The following HMCES variants were observed in gnomAD, a reference collection of about 807,000 sequenced individuals.
HMCES encodes the protein 5-hydroxymethylcytosine binding, ES cell specific, also known as abasic site processing protein HMCES.
HMCES carries 27 observed loss-of-function variants against 35.1 expected under a neutral mutation model. That is an observed-to-expected ratio of 0.77 (90% CI 0.57 to 1.06). The LOEUF is 1.06. HMCES is among the 50% of genes least tolerant of loss of function. The pLI is 0.00. For missense variants in HMCES, 391 were observed against 430.4 expected (o/e 0.91, Z 0.81); for synonymous variants, 130 against 154.7 (o/e 0.84, Z 1.18).
chr3:129,291,912 G>A lies in HMCES; in HGVS notation c.453+1108G>A, dbSNP rs2071023428. On this transcript the variant is annotated intron_variant, in intron 4 of 6. Transcript: ENST00000383463. The stretch of plus-strand genomic sequence containing the variant: ...TCAAGACCAATCTGGGCAACATGGC[G>A]AAAACCCATCTCTACCAAAAATACA... Among the ~76,000 whole-genome samples the A allele has an allele frequency of 2.0e-5, 3 of 152,056 alleles. No individual in the cohort carries two copies. The South Asian group carries it at 6.2e-4, about 32-fold the overall frequency.
rs1940382450 is a variant in HMCES at position 129,279,242 on chromosome 3, G to A, written c.-24+337G>A. The A allele has an allele frequency of 6.4e-6, 1 of 155,766 alleles. No individual in the cohort carries two copies. The highest frequency in any genetic ancestry group is 2.4e-5 in the African/African-American group (1 of 41,478). The allele number at this position is 155,766 out of a possible 1,614,324, so 9.6% of individuals were successfully genotyped here. The stretch of plus-strand genomic sequence containing the variant: ...GCCCGGGGACGCTGCGGACTAGCGG[G>A]CGGGAGGCGGGGATTCTGCACCCCG... On this transcript the variant is annotated intron_variant, in intron 1 of 6. Transcript: ENST00000383463. This position sits in a 1 kb window ranked among gnomAD's most constrained non-coding sequence, Gnocchi z 4.2.
At chr3:129,300,469 T>A (rs2071149372) in intron 5 of HMCES, among the ~76,000 whole-genome samples, 1 of 152,220 alleles carries the variant, frequency 6.6e-6, no homozygotes. Flanking sequence ...TATACTTGTA[T>A]TCTACCTTTA....
Position 129,304,862 on chromosome 3 carries a change from C to T in HMCES, c.*37C>T, listed in dbSNP as rs1189884043. ...CAGAGACCAAGGCCAGGGTCTGCTG[C>T]ACTGCTGTTCTGATAATAGGTTCTT... is the stretch of plus-strand genomic sequence containing the variant. On this transcript the variant is annotated 3_prime_UTR_variant, in exon 7 of 7. Transcript: ENST00000383463. 1 of 1,470,172 alleles carries T rather than the reference C, an allele frequency of 6.8e-7. No individual in the cohort carries two copies. Among genetic ancestry groups the T allele is most frequent in the Non-Finnish European group, 9.5e-7 (1 of 1,050,548 alleles). The allele number at this position is 1,470,172 out of a possible 1,614,324, so 91.1% of individuals were successfully genotyped here.
intron 5 of HMCES, among the ~76,000 whole-genome samples, chr3:129,298,995 T>A (rs374666200): frequency 5.3e-5 from 8 of 152,066 alleles, no homozygotes; most frequent in African/African-American, 1.7e-4. Context: ...ATACAACAAC[T>A]AAATTAGCCG....
chr3:129,296,088 T>G (rs1246319148), intron 4 of HMCES, among the ~76,000 whole-genome samples: 1 of 152,120 alleles, frequency 6.6e-6, no homozygotes, highest in African/African-American at 2.4e-5. Context: ...TGAGATGAAG[T>G]CTCGCTCTGT....
intron 6 of HMCES, among the ~76,000 whole-genome samples, chr3:129,303,381 T>G (rs1244336248): frequency 6.6e-6 from 1 of 152,208 alleles, no homozygotes; most frequent in Non-Finnish European, 1.5e-5. Flanking sequence ...ACCCACAGTG[T>G]CATCTTTTTT....
intron 2 of HMCES, among the ~76,000 whole-genome samples, chr3:129,287,096 C>G (rs1257998269): frequency 6.6e-6 from 1 of 152,186 alleles, no homozygotes; most frequent in Non-Finnish European, 1.5e-5. Context: ...AAGTCATGCA[C>G]AGGTTTCCTT....
At chr3:129,301,266 T>C (rs2071166051) in intron 5 of HMCES, among the ~76,000 whole-genome samples, 1 of 152,048 alleles carries the variant, frequency 6.6e-6, no homozygotes, top group Admixed American at 6.6e-5. Flanking sequence ...AATTAACCTT[T>C]AAAAATTATA....
At chr3:129,293,696 T>C (rs1196555668) in intron 4 of HMCES, among the ~76,000 whole-genome samples, 1 of 149,022 alleles carries the variant, frequency 6.7e-6, no homozygotes, top group African/African-American at 2.5e-5. Context: ...GCCGCCTGAA[T>C]AGCCGGGATT....
intron 4 of HMCES, among the ~76,000 whole-genome samples, chr3:129,292,476 A>G (rs1042023659): frequency 2.1e-5 from 3 of 143,600 alleles, no homozygotes; most frequent in Non-Finnish European, 3.0e-5. Flanking sequence ...TGGGTAACAG[A>G]GAAAAGTTTT....
At chr3:129,294,974 G>A (rs896416556) in intron 4 of HMCES, among the ~76,000 whole-genome samples, 7 of 151,930 alleles carry the variant, frequency 4.6e-5, no homozygotes, top group Admixed American at 3.9e-4. Flanking sequence ...TGGCTAACAC[G>A]GTGAAACCCC....
At chr3:129,299,809 G>A (rs1463299422) in intron 5 of HMCES, among the ~76,000 whole-genome samples, 2 of 151,736 alleles carry the variant, frequency 1.3e-5, no homozygotes, top group African/African-American at 2.4e-5. Flanking sequence ...ACGCCGCCAC[G>A]CCTGGCTAAC....
chr3:129,290,175 A>C (rs940199179), intron 3 of HMCES, among the ~76,000 whole-genome samples: 4 of 145,062 alleles, frequency 2.8e-5, no homozygotes, highest in Non-Finnish European at 4.5e-5. Context: ...TGGGCGACAG[A>C]GCAAGACTCC....
In HMCES at chr3:129,304,905, T is replaced by G. The variant is rs997919171; in HGVS notation, c.*80T>G. On this transcript the variant is annotated 3_prime_UTR_variant, in exon 7 of 7. Coordinates refer to ENST00000383463, the MANE Select transcript of HMCES (RefSeq NM_020187.3). ...AGGTTCTTAACATTGTATGTATATG[T>G]GTTTGCTTTGGGAGGAGGTGGCACT... 7.6e-6 allele frequency: 9 copies of G among 1,176,722 alleles called. No homozygotes were observed. The highest frequency in any genetic ancestry group is 9.9e-6 in the Non-Finnish European group (8 of 804,450). 72.9% of individuals were successfully genotyped at this position (1,176,722 alleles called of 1,614,324 possible).
intron 4 of HMCES, among the ~76,000 whole-genome samples, chr3:129,292,641 T>C (rs1188558497): frequency 1.3e-5 from 2 of 151,658 alleles, no homozygotes. Context: ...TACAGGCGTG[T>C]GCCACCAGGC....
chr3:129,287,753 A>G (rs7646495), intron 2 of HMCES, among the ~76,000 whole-genome samples: 37,550 of 152,008 alleles, frequency 0.25, 7,742 homozygotes, highest in African/African-American at 0.56. Context: ...CAGGAAAATC[A>G]CTTGAGCCTA....
chr3:129,296,466 C>T (rs1350834032), intron 4 of HMCES, among the ~76,000 whole-genome samples: 2 of 152,136 alleles, frequency 1.3e-5, no homozygotes. Context: ...CCACAAGAGT[C>T]TTTGACATTA....
intron 2 of HMCES, among the ~76,000 whole-genome samples, chr3:129,281,653 T>C (rs545144304): frequency 6.6e-6 from 1 of 151,916 alleles, no homozygotes; most frequent in South Asian, 2.1e-4. Context: ...ATTGTGCCAC[T>C]GTACTCTGGC....
intron 2 of HMCES, among the ~76,000 whole-genome samples, chr3:129,286,788 G>GT (rs1249506309): frequency 1.3e-5 from 2 of 151,670 alleles, no homozygotes; most frequent in African/African-American, 2.4e-5. Flanking sequence ...CTGAACCATT[G>GT]TAGTAACACC....
Sources: allele counts gnomAD v4.1 joint callset (sites outside exome capture counted in the v4.1 genomes callset), GRCh38; gene constraint gnomAD v4.1.1; non-coding constraint Gnocchi (gnomAD v3.1); transcripts MANE v1.5; gene names NCBI Gene and HGNC (gene_info 2026-07-23, HGNC 2026-07-21).